ZNF354A: variants seen among roughly 807,000 people sequenced by gnomAD.
ZNF354A encodes the protein epididymis luminal protein 104.
Under a neutral mutation model 53.3 loss-of-function variants are expected in ZNF354A, and 25 were observed. The ratio of observed to expected loss-of-function variants is 0.47; its 90% confidence interval spans 0.34 to 0.66. ZNF354A has a LOEUF of 0.66. Ranked by LOEUF, ZNF354A falls within the 30% of genes least tolerant of loss-of-function variation. The pLI, the probability that ZNF354A is intolerant of heterozygous loss-of-function variation, is 0.01. For synonymous variants in ZNF354A, 228 were observed against 249.0 expected (o/e 0.92, Z 0.79); for missense variants, 586 against 716.8 (o/e 0.82, Z 2.08).
intron 4 of ZNF354A, among the ~76,000 whole-genome samples, chr5:178,721,785 C>G (rs977843661): frequency 1.3e-5 from 2 of 152,184 alleles, no homozygotes; most frequent in Non-Finnish European, 2.9e-5. Flanking sequence ...CCCTTACAGA[C>G]GACCTACTCA....
intron 4 of ZNF354A, among the ~76,000 whole-genome samples, chr5:178,721,151 T>G (rs1765805006): frequency 6.6e-6 from 1 of 152,186 alleles, no homozygotes. Context: ...CTTTTTTTTC[T>G]TTTGCTTTTA....
intron 1 of ZNF354A, chr5:178,729,520 C>G (rs375083839): frequency 4.8e-6 from 1 of 206,340 alleles, no homozygotes; most frequent in East Asian, 1.8e-4. Context: ...CTCTCTCTCC[C>G]GCCAACGAAT....
chr5:178,716,321 G>A (rs1195425092), intron 4 of ZNF354A, among the ~76,000 whole-genome samples: 2 of 152,194 alleles, frequency 1.3e-5, no homozygotes, highest in East Asian at 1.9e-4. Context: ...TTAACATGGT[G>A]AATAGAGTAC....
intron 4 of ZNF354A, among the ~76,000 whole-genome samples, chr5:178,720,180 T>C (rs968227942): frequency 2.6e-5 from 4 of 152,204 alleles, no homozygotes; most frequent in African/African-American, 9.6e-5. Flanking sequence ...TTTCAGCATA[T>C]GTAAAAGTAG....
At chr5:178,723,230 CGA>C (rs1561620094) in intron 4 of ZNF354A, among the ~76,000 whole-genome samples, 2 of 152,338 alleles carry the variant, frequency 1.3e-5, no homozygotes, top group African/African-American at 4.8e-5. Flanking sequence ...CTGTGGGGAC[CGA>C]GGCTGCCTGC....
At chr5:178,720,885 G>A (rs923628340) in intron 4 of ZNF354A, among the ~76,000 whole-genome samples, 1 of 152,118 alleles carries the variant, frequency 6.6e-6, no homozygotes, top group African/African-American at 2.4e-5. Context: ...AAGTCAAACT[G>A]CTGCAATGTA....
intron 1 of ZNF354A, 31 bp from the exon 2 acceptor site, chr5:178,729,104 C>CGCAG (rs1765974088): frequency 2.9e-6 from 2 of 698,822 alleles, no homozygotes; most frequent in Admixed American, 5.2e-5. Context: ...AGGAAGAACC[C>CGCAG]CTTCTGCTTT....
intron 4 of ZNF354A, among the ~76,000 whole-genome samples, chr5:178,721,409 T>TATTATCATCTATGGGAGC: frequency 6.6e-6 from 1 of 152,320 alleles, no homozygotes; most frequent in Non-Finnish European, 1.5e-5. Context: ...AAAAATGCAG[T>TATTATCATCTATGGGAGC]ATTATCATCT....
intron 4 of ZNF354A, among the ~76,000 whole-genome samples, chr5:178,718,711 C>T (rs1430868282): frequency 1.3e-5 from 2 of 152,052 alleles, no homozygotes; most frequent in Non-Finnish European, 1.5e-5. Context: ...ATTTCTCTTC[C>T]CTAGGCAGTC....
chr5:178,725,598 GC>G, intron 3 of ZNF354A, 127 bp from the exon 4 acceptor site: 2 of 933,576 alleles, frequency 2.1e-6, no homozygotes, highest in Non-Finnish European at 3.2e-6. Context: ...CTTCAGTTGT[GC>G]CCCTGGGAGG....
Position 178,712,783 on chromosome 5 carries a change from A to G in ZNF354A, c.1095T>C (p.Ser365=), listed in dbSNP as rs1765644618. Residue 365 remains serine, a synonymous_variant, in exon 5 of 5, where the codon TCT becomes TCC. Transcript: ENST00000335815. ...LCNECGNTFK[S]SSSLRYHQRI... is the part of the protein sequence containing the mutation. ...TCTGATGATAACGAAGGGATGAGCT[A>G]GACTTAAAGGTGTTGCCACATTCAT... is the stretch of plus-strand genomic sequence containing the variant. The G allele has an allele frequency of 5.6e-6, 9 of 1,614,076 alleles. No homozygotes were observed. The highest frequency in any genetic ancestry group is 7.6e-6 in the Non-Finnish European group (9 of 1,179,992).
rs1444637964 is a variant in ZNF354A, at chr5:178,711,576, A to G, written c.*484T>C. ...TGACATCAGGGTAGGAAAAGGACAAACCCCAGAGACTGAGAGGTAGTTCAT... is the reference window on the plus strand; with the variant it reads ...TGACATCAGGGTAGGAAAAGGACAAGCCCCAGAGACTGAGAGGTAGTTCAT... On this transcript the variant is annotated 3_prime_UTR_variant, in exon 5 of 5. Coordinates refer to ENST00000335815, the MANE Select transcript of ZNF354A (RefSeq NM_005649.3). 6.5e-6 allele frequency: 1 copy of G among 152,794 alleles called. No homozygotes were observed. The highest frequency in any genetic ancestry group is 1.5e-5 in the Non-Finnish European group (1 of 68,232). 9.5% of individuals were successfully genotyped at this position (152,794 alleles called of 1,614,324 possible). A position where few individuals can be genotyped will look rare whatever the true frequency, so the allele number is the denominator to read the frequency against.
rs371897907 is a variant in ZNF354A at position 178,712,134 on chromosome 5, T to C, written c.1744A>G (p.Thr582Ala). 51 of 1,613,808 alleles carry C rather than the reference T, an allele frequency of 3.2e-5. No individual in the cohort carries two copies. Among genetic ancestry groups the C allele is most frequent in the Middle Eastern group, 1.6e-4 (1 of 6,082 alleles). ...CTATGGTTGAAAAGTTTCCCACATGTATTACATTCATAGGGTTTCTCTCCA... is the reference window on the plus strand; with the variant it reads ...CTATGGTTGAAAAGTTTCCCACATGCATTACATTCATAGGGTTTCTCTCCA... ...HTGEKPYECN[T>A]CGKLFNHRSS... The change falls in exon 5 of 5, where the codon ACA becomes GCA. Residue 582 changes from threonine (T) to alanine (A), a missense_variant. This residue lies in a region of ZNF354A where 573 missense variants were observed against 680.1 expected (regional missense o/e 0.84). Coordinates refer to ENST00000335815, the MANE Select transcript of ZNF354A (RefSeq NM_005649.3).
chr5:178,712,702 G>C lies in ZNF354A; in HGVS notation c.1176C>G (p.Ser392Arg). Reference protein sequence around the residue: ...FKCSECGRAFSQSASLIQHER... With the variant: ...FKCSECGRAFRQSASLIQHER... ...CATGTTGAATAAGAGAGGCACTCTG[G>C]CTGAAGGCTCTCCCACATTCACTAC... The change falls in exon 5 of 5, where the codon AGC (serine) becomes AGG (arginine). Residue 392 changes from serine (S) to arginine (R), a missense_variant. Coordinates refer to ENST00000335815, the MANE Select transcript of ZNF354A (RefSeq NM_005649.3). 4 of 1,613,610 alleles carry C rather than the reference G, an allele frequency of 2.5e-6. No homozygotes were observed. Among genetic ancestry groups the C allele is most frequent in the Non-Finnish European group, 3.4e-6 (4 of 1,179,624 alleles).
chr5:178,728,782 C>CAAAAAAAAAAAAA lies in ZNF354A; in HGVS notation c.33+195_33+207dup, dbSNP rs1157233878. 1.1e-3 allele frequency among the ~76,000 whole-genome samples: 58 copies of CAAAAAAAAAAAAA among 50,864 alleles called. 1 individual carries two copies. Among genetic ancestry groups the CAAAAAAAAAAAAA allele is most frequent in the African/African-American group, 2.9e-3 (31 of 10,666 alleles). The allele number at this position is 50,864 out of a possible 152,430, so 33.4% of individuals were successfully genotyped here. Reference sequence around the variant, plus strand: ...ACTGCCTGGGCGACAAAGCGAGATTCAAAAAAAAAAAAAAAAAAGAGAACC... The same window carrying CAAAAAAAAAAAAA: ...ACTGCCTGGGCGACAAAGCGAGATTCAAAAAAAAAAAAAAAAAAAAAAAAAAAAAAAGAGAACC... On this transcript the variant is annotated intron_variant, in intron 2 of 4. Coordinates refer to ENST00000335815, the MANE Select transcript of ZNF354A (RefSeq NM_005649.3).
chr5:178,729,762 G>A (rs1279621442), intron 1 of ZNF354A, among the ~76,000 whole-genome samples: 1 of 151,794 alleles, frequency 6.6e-6, no homozygotes, highest in Non-Finnish European at 1.5e-5. Context: ...GCCCAGGCTG[G>A]TCTCGAACTC....
intron 1 of ZNF354A, among the ~76,000 whole-genome samples, chr5:178,729,926 T>TGC (rs1765998216): frequency 7.3e-6 from 1 of 137,860 alleles, no homozygotes; most frequent in Non-Finnish European, 1.6e-5. Context: ...GTGCAGGGCT[T>TGC]GATCTCGGCT....
In ZNF354A at chr5:178,713,357, A is replaced by T. The variant is rs201784705; in HGVS notation, c.521T>A (p.Leu174His). The T allele has an allele frequency of 1.9e-6, 3 of 1,614,174 alleles. No homozygotes were observed. Among genetic ancestry groups the T allele is most frequent in the Non-Finnish European group, 2.5e-6 (3 of 1,180,018 alleles). Reference sequence around the variant, plus strand: ...TCTGGGAAGTATCTGTTGCCTAATAAGCACTGACTTTGGGCTGAAGTTTTG... The same window carrying T: ...TCTGGGAAGTATCTGTTGCCTAATATGCACTGACTTTGGGCTGAAGTTTTG... ...LSQNFSPKSV[L>H]IRQQILPREK... The change falls in exon 5 of 5, where the codon CTT becomes CAT. Residue 174 changes from leucine (L) to histidine (H), a missense_variant. Coordinates refer to ENST00000335815, the MANE Select transcript of ZNF354A (RefSeq NM_005649.3).
chr5:178,727,013 T>C lies in ZNF354A; in HGVS notation c.146A>G (p.Asn49Ser). 3 of 1,612,576 alleles carry C rather than the reference T, an allele frequency of 1.9e-6. No homozygotes were observed. The highest frequency in any genetic ancestry group is 2.5e-6 in the Non-Finnish European group (3 of 1,179,488). ...AATTTCCTTACCCAGTGAGACCAGG[T>C]TCCTATAGTTCTCCAGCATCACATC... Reference protein sequence around the residue: ...YRDVMLENYRNLVSLGLPFTK... With the variant: ...YRDVMLENYRSLVSLGLPFTK... Residue 49 changes from asparagine to serine, a missense_variant, in exon 3 of 5, where the codon AAC (asparagine) becomes AGC (serine). By Grantham distance (46) the Asn-to-Ser change is conservative (BLOSUM62 1). Around this residue, in one of 2 missense-constraint regions of ZNF354A, gnomAD observed 573 missense variants for 680.1 expected, o/e 0.84. Coordinates refer to ENST00000335815, the MANE Select transcript of ZNF354A (RefSeq NM_005649.3).
Sources: gnomAD v4.1 joint callset for allele counts (sites outside exome capture counted in the v4.1 genomes callset) on GRCh38, gnomAD v4.1.1 for gene constraint, gnomAD v4.1.1 regional missense constraint, MANE v1.5 for transcripts, NCBI Gene and HGNC (gene_info 2026-07-23, HGNC 2026-07-21) for gene names.